SV2C: variants seen among roughly 807,000 people sequenced by gnomAD.
SV2C encodes the protein solute carrier family 22 member B3.
SV2C carries 49 observed loss-of-function variants against 79.7 expected under a neutral mutation model. The observed-to-expected ratio is 0.61, with a 90% CI of 0.49 to 0.78. The LOEUF is 0.78. Ranked by LOEUF, SV2C falls within the 30% of genes least tolerant of loss-of-function variation. SV2C has a pLI of 0.00. For synonymous variants in SV2C, 334 were observed against 333.2 expected (o/e 1.00, Z -0.03); for missense variants, 833 against 912.9 (o/e 0.91, Z 1.13).
intron 4 of SV2C, among the ~76,000 whole-genome samples, chr5:76,250,646 T>C (rs2112438192): frequency 6.6e-6 from 1 of 152,312 alleles, no homozygotes; most frequent in East Asian, 1.9e-4. Context: ...TATCTGCACT[T>C]GATTGAGGTT....
the SV2C span, among the ~76,000 whole-genome samples, chr5:75,870,688 C>T: frequency 2.2e-3 from 328 of 152,208 alleles, 1 homozygote; most frequent in Admixed American, 3.7e-3. Context: ...GCAGTTTTAG[C>T]TCAGAGAAAA....
intron 2 of SV2C, among the ~76,000 whole-genome samples, chr5:76,164,677 T>C (rs1742994505): frequency 1.3e-5 from 2 of 152,102 alleles, no homozygotes; most frequent in South Asian, 4.1e-4. Flanking sequence ...TGCTTGTCAC[T>C]TTTTGTCCTT....
chr5:76,014,646 A>ACACACACATGTGCG, the SV2C span, among the ~76,000 whole-genome samples: 4 of 152,172 alleles, frequency 2.6e-5, no homozygotes, highest in Non-Finnish European at 5.9e-5. Flanking sequence ...ATACTGCCAC[A>ACACACACATGTGCG]CACACACATG....
intron 1 of SV2C, among the ~76,000 whole-genome samples, chr5:76,085,633 G>A (rs1747164166): frequency 6.6e-6 from 1 of 152,118 alleles, no homozygotes; most frequent in South Asian, 2.1e-4. Flanking sequence ...CAAATATTGT[G>A]TTATGTCACC....
chr5:76,154,139 A>G (rs1471630931), intron 2 of SV2C, among the ~76,000 whole-genome samples: 4 of 152,178 alleles, frequency 2.6e-5, no homozygotes, highest in Non-Finnish European at 2.9e-5. Context: ...AGTACTAATC[A>G]ATACATCTCC....
the SV2C span, among the ~76,000 whole-genome samples, chr5:75,946,672 C>T: frequency 6.6e-6 from 1 of 152,006 alleles, no homozygotes; most frequent in Non-Finnish European, 1.5e-5. Context: ...AAGGTAGACT[C>T]GAAGGCTACC....
Position 76,223,487 on chromosome 5 carries a change from A to ATG in SV2C, c.913+13601_913+13602insGT, listed in dbSNP as rs1745144582. Among the ~76,000 whole-genome samples the ATG allele has an allele frequency of 1.0e-4, 4 of 38,944 alleles. No individual in the cohort carries two copies. In the South Asian group the frequency reaches 1.6e-3, roughly 16 times the overall value. 25.5% of individuals were successfully genotyped at this position (38,944 alleles called of 152,430 possible). A position where few individuals can be genotyped will look rare whatever the true frequency, so the allele number is the denominator to read the frequency against. Reference sequence around the variant, plus strand: ...TATATATATATATATATATATATATATATATATATGTATATGTATATAAAG... The same window carrying ATG: ...TATATATATATATATATATATATATATGTATATATATGTATATGTATATAAAG... On this transcript the variant is annotated intron_variant, in intron 4 of 12. Coordinates refer to ENST00000502798, the MANE Select transcript of SV2C (RefSeq NM_014979.4).
At chr5:76,239,928 T>C (rs192125994) in intron 4 of SV2C, among the ~76,000 whole-genome samples, 1 of 152,208 alleles carries the variant, frequency 6.6e-6, no homozygotes, top group African/African-American at 2.4e-5. Flanking sequence ...GGCTATCTGC[T>C]TCCCTTCTTT....
chr5:75,880,837 C>A, the SV2C span, among the ~76,000 whole-genome samples: 4 of 152,160 alleles, frequency 2.6e-5, 1 homozygote, highest in South Asian at 8.3e-4. Context: ...GCCATTTTTG[C>A]ATTGCTATAA....
the SV2C span, among the ~76,000 whole-genome samples, chr5:76,038,264 G>A: frequency 2.0e-5 from 3 of 152,182 alleles, no homozygotes; most frequent in African/African-American, 7.2e-5. Context: ...TAAACCAAAT[G>A]TTTAAATGAG....
the SV2C span, among the ~76,000 whole-genome samples, chr5:76,066,795 TAAAAAAAAAA>T: frequency 3.3e-5 from 4 of 122,144 alleles, no homozygotes; most frequent in South Asian, 2.6e-4. Context: ...AGGACCCTGT[TAAAAAAAAAA>T]AAAAAAAAAA....
intron 2 of SV2C, among the ~76,000 whole-genome samples, chr5:76,142,380 A>T (rs1368572354): frequency 2.0e-5 from 3 of 152,220 alleles, no homozygotes; most frequent in African/African-American, 7.2e-5. Context: ...TTATTTTCAC[A>T]TCTCTCTGTC....
intron 5 of SV2C, 161 bp downstream of exon 5, chr5:76,285,456 C>T (rs1267337123): frequency 3.8e-6 from 4 of 1,051,128 alleles, no homozygotes; most frequent in Non-Finnish European, 5.3e-6. Context: ...TTTCAACAAC[C>T]AACATGTAAA....
chr5:76,268,680 G>A (rs1429436197), intron 4 of SV2C, among the ~76,000 whole-genome samples: 1 of 152,162 alleles, frequency 6.6e-6, no homozygotes, highest in East Asian at 1.9e-4. Context: ...AGCTGTGGGT[G>A]TTTTCAGAAA....
At chr5:76,341,097 ATT>A in intron 12 of SV2C, among the ~76,000 whole-genome samples, 1 of 151,874 alleles carries the variant, frequency 6.6e-6, no homozygotes, top group South Asian at 2.1e-4. Flanking sequence ...TGCCTAGCTA[ATT>A]TTTATATTTT....
chr5:76,073,763 CG>C, the SV2C span, among the ~76,000 whole-genome samples: 5 of 151,536 alleles, frequency 3.3e-5, no homozygotes, highest in African/African-American at 1.2e-4. Flanking sequence ...GGTGGAAGGG[CG>C]GTGAGAGATA....
chr5:76,212,031 C>T (rs1033894795), intron 4 of SV2C, among the ~76,000 whole-genome samples: 2 of 152,080 alleles, frequency 1.3e-5, no homozygotes, highest in African/African-American at 2.4e-5. Flanking sequence ...CAGAGATGCC[C>T]TCATACAGGC....
At chr5:75,863,449 A>C in the SV2C span, among the ~76,000 whole-genome samples, 1,764 of 152,318 alleles carry the variant, frequency 0.012, 30 homozygotes, top group African/African-American at 0.04. Context: ...TAAAATTGGA[A>C]AGTGGTGAGT....
At chr5:75,943,452 G>A in the SV2C span, among the ~76,000 whole-genome samples, 1 of 151,960 alleles carries the variant, frequency 6.6e-6, no homozygotes, top group Non-Finnish European at 1.5e-5. Context: ...AGAACACAAT[G>A]TTCTCTTCTT....
Sources: gnomAD v4.1 joint callset for allele counts (sites outside exome capture counted in the v4.1 genomes callset) on GRCh38, gnomAD v4.1.1 for gene constraint, MANE v1.5 for transcripts, NCBI Gene and HGNC (gene_info 2026-07-23, HGNC 2026-07-21) for gene names.